Variants in ZNF320 observed in about 807,000 individuals in gnomAD.
ZNF320 encodes the protein zinc finger protein 320, also known as zinc finger gene 320.
In ZNF320, 2 loss-of-function variants were observed where a neutral mutation model predicts 6.8. The observed-to-expected ratio is 0.29, with a 90% CI of 0.12 to 0.93. ZNF320 has a LOEUF of 0.93. ZNF320 is among the 40% of genes least tolerant of loss of function. The pLI is 0.55. For synonymous variants in ZNF320, 208 were observed against 203.2 expected, an observed-to-expected ratio of 1.02 and a Z score of -0.20; for missense variants, 472 against 611.0, an observed-to-expected ratio of 0.77 and a Z score of 2.40.
At chr19:52,864,548 C>T (rs758579746) in intron 5 of ZNF320, among the ~76,000 whole-genome samples, 30 of 152,038 alleles carry the variant, frequency 2.0e-4, no homozygotes, top group Non-Finnish European at 3.8e-4. Context: ...CGTGTAATCC[C>T]AGCACGTTGA....
chr19:52,862,813 CGTT>C (rs1405546119), exon 6 of ZNF320: 3 of 348,940 alleles, frequency 8.6e-6, no homozygotes, highest in African/African-American at 6.5e-5. Context: ...CAACTGAAAA[CGTT>C]GTCACATTCT....
At chr19:52,886,228 A>G (rs879658322) in intron 5 of ZNF320, among the ~76,000 whole-genome samples, 1 of 151,986 alleles carries the variant, frequency 6.6e-6, no homozygotes, top group Non-Finnish European at 1.5e-5. Context: ...TCCACCTCCC[A>G]GGTTCAAGTG....
chr19:52,863,610 G>GAAAAAAAAAAAAA (rs528252648), exon 6 of ZNF320, among the ~76,000 whole-genome samples: 1 of 108,210 alleles, frequency 9.2e-6, no homozygotes, highest in African/African-American at 3.3e-5. Flanking sequence ...CTCAAAAAAG[G>GAAAAAAAAAAAAA]AAAAAAAAAA....
At chr19:52,873,877 T>A, downstream of ZNF320, 1 of 311,020 alleles carries the variant, frequency 3.2e-6, no homozygotes, top group Non-Finnish European at 6.6e-6. Flanking sequence ...CATGGGTGAG[T>A]GTGAGCAAAC....
At chr19:52,890,128 G>A in intron 4 of ZNF320, 113 bp downstream of exon 4, 1 of 1,486,722 alleles carries the variant, frequency 6.7e-7, no homozygotes, top group South Asian at 1.2e-5. Context: ...ATGGGTGATT[G>A]TGAGCAAACC....
intron 5 of ZNF320, among the ~76,000 whole-genome samples, chr19:52,866,869 C>CAAAAAAAAAAAAAAAAAA (rs58231328): frequency 1.8e-5 from 2 of 108,886 alleles, no homozygotes; most frequent in Non-Finnish European, 1.9e-5. Flanking sequence ...ACAAAACATA[C>CAAAAAAAAAAAAAAAAAA]AAAAAAAAAA....
chr19:52,897,309 C>A (rs1201662251), intron 1 of ZNF320, among the ~76,000 whole-genome samples: 2 of 152,328 alleles, frequency 1.3e-5, no homozygotes, highest in East Asian at 1.9e-4. Flanking sequence ...CTCCTGAAGC[C>A]GCCGAGAGCG....
exon 6 of ZNF320, chr19:52,863,864 C>G (rs2063501950): frequency 3.9e-6 from 1 of 256,300 alleles, no homozygotes; most frequent in Non-Finnish European, 7.6e-6. Flanking sequence ...AACCCTATCT[C>G]CACTAAAGAT....
At position 52,879,159 on chromosome 19, in the gene ZNF320, C is replaced by G. The variant is rs1343071214; in HGVS notation, c.*1437G>C. 3.3e-5 allele frequency: 5 copies of G among 152,224 alleles called. No homozygotes were observed. The highest frequency in any genetic ancestry group is 7.3e-5 in the Non-Finnish European group (5 of 68,070). The allele number at this position is 152,224 out of a possible 1,614,324, so 9.4% of individuals were successfully genotyped here. A position where few individuals can be genotyped will look rare whatever the true frequency, so the allele number is the denominator to read the frequency against. On this transcript the variant is annotated 3_prime_UTR_variant, in exon 6 of 6. Coordinates refer to ENST00000682928, the MANE Select transcript of ZNF320 (RefSeq NM_001351774.2). ...TATCTTGGTGCAAAAAATGTGATAT[C>G]ATGCACAATTTTCTCATAATATGTA...
At chr19:52,901,034 T>A (rs559739153), upstream of ZNF320, among the ~76,000 whole-genome samples, 1 of 152,316 alleles carries the variant, frequency 6.6e-6, no homozygotes, top group South Asian at 2.1e-4. Flanking sequence ...GGGACCCCTC[T>A]TCTGTTCTAG....
At position 52,868,375 on chromosome 19, in the gene ZNF320, A is replaced by G. The variant is rs55789609; in HGVS notation, c.224-4216T>C. On this transcript the variant is annotated intron_variant, in intron 5 of 5. Coordinates refer to the ZNF320 transcript ENST00000673631. ...TACAAAATTAGCTGGGTGTGGTGGTACATGCCTGTAATCCCAGCTACTTGG... is the reference window on the plus strand; with the variant it reads ...TACAAAATTAGCTGGGTGTGGTGGTGCATGCCTGTAATCCCAGCTACTTGG... Among the ~76,000 whole-genome samples the G allele has an allele frequency of 8.6e-3, 1,307 of 152,080 alleles. 7 individuals are homozygous for G. The highest frequency in any genetic ancestry group is 0.012 in the Non-Finnish European group (834 of 67,988).
upstream of ZNF320, among the ~76,000 whole-genome samples, chr19:52,902,395 G>A (rs2064574009): frequency 6.6e-6 from 1 of 152,248 alleles, no homozygotes; most frequent in Non-Finnish European, 1.5e-5. Flanking sequence ...CCACCTTAGT[G>A]GAAGGGGGAC....
exon 6 of ZNF320, chr19:52,862,646 G>A (rs1332393888): frequency 6.8e-6 from 4 of 589,988 alleles, no homozygotes; most frequent in Non-Finnish European, 5.8e-6. Context: ...CACCCTAAAG[G>A]CTTTGCCACA....
At chr19:52,896,739 G>A (rs989310544) in intron 1 of ZNF320, among the ~76,000 whole-genome samples, 7 of 152,106 alleles carry the variant, frequency 4.6e-5, no homozygotes, top group Admixed American at 1.3e-4. Context: ...GAAATACCTG[G>A]GTCCTGGGTC....
At chr19:52,890,371 A>AC in intron 3 of ZNF320, 43 bp from the exon 4 acceptor site, 3 of 1,399,174 alleles carry the variant, frequency 2.1e-6, no homozygotes, top group Non-Finnish European at 2.9e-6. Context: ...GAATCAACAC[A>AC]CCCCCTCCCC....
At chr19:52,903,279 G>A in the ZNF320 span, among the ~76,000 whole-genome samples, 2 of 152,174 alleles carry the variant, frequency 1.3e-5, no homozygotes, top group Non-Finnish European at 2.9e-5. Flanking sequence ...GTAAGTTTGG[G>A]ACTTCAATTA....
chr19:52,889,388 G>T (rs1279210658), intron 4 of ZNF320, among the ~76,000 whole-genome samples: 1 of 151,850 alleles, frequency 6.6e-6, no homozygotes, highest in African/African-American at 2.4e-5. Flanking sequence ...GGAGGCAGAG[G>T]GTGCAGTAAG....
chr19:52,872,328 A>AGG (rs1375395761), downstream of ZNF320, among the ~76,000 whole-genome samples: 2 of 152,198 alleles, frequency 1.3e-5, no homozygotes, highest in African/African-American at 4.8e-5. Context: ...AATGTACTGA[A>AGG]GGGGGCCTGC....
In ZNF320 at chr19:52,880,443, T is replaced by C. The variant is rs886444554; in HGVS notation, c.*153A>G. 1.5e-6 allele frequency: 1 copy of C among 684,824 alleles called. No individual in the cohort carries two copies. Among genetic ancestry groups the C allele is most frequent in the Non-Finnish European group, 2.3e-6 (1 of 429,866 alleles). The allele number at this position is 684,824 out of a possible 1,614,324, so 42.4% of individuals were successfully genotyped here. Reference sequence around the variant, plus strand: ...CTCAAATTCATGACCTCAAGTGACCTACCTGTCTTGGCCTCTCAAAGTGCT... The same window carrying C: ...CTCAAATTCATGACCTCAAGTGACCCACCTGTCTTGGCCTCTCAAAGTGCT... On this transcript the variant is annotated 3_prime_UTR_variant, in exon 6 of 6. Coordinates refer to ENST00000682928, the MANE Select transcript of ZNF320 (RefSeq NM_001351774.2).
Sources: gnomAD v4.1 joint callset for allele counts (sites outside exome capture counted in the v4.1 genomes callset) on GRCh38, gnomAD v4.1.1 for gene constraint, MANE v1.5 for transcripts, NCBI Gene and HGNC (gene_info 2026-07-23, HGNC 2026-07-21) for gene names.